Variants in CPEB3 observed in about 807,000 individuals in gnomAD.
The protein encoded by CPEB3 is cytoplasmic polyadenylation element binding protein 3.
In CPEB3, 20 loss-of-function variants were observed where a neutral mutation model predicts 67.2. The observed-to-expected ratio is 0.30, with a 90% CI of 0.21 to 0.43. The LOEUF (loss-of-function observed/expected upper bound fraction) is 0.43, where lower values mean the gene tolerates loss of function less well. CPEB3 is among the 20% of genes least tolerant of loss of function. The pLI is 1.00. For missense variants in CPEB3, 746 were observed against 968.6 expected, an observed-to-expected ratio of 0.77 and a Z score of 3.05; for synonymous variants, 376 against 393.1, an observed-to-expected ratio of 0.96 and a Z score of 0.51.
At chr10:92,093,059 C>T (rs1422586903) in intron 7 of CPEB3, among the ~76,000 whole-genome samples, 2 of 152,042 alleles carry the variant, frequency 1.3e-5, no homozygotes, top group African/African-American at 4.8e-5. Flanking sequence ...TATACAAAAC[C>T]TTAAAACATA....
At chr10:92,164,140 G>A (rs886784640) in intron 4 of CPEB3, among the ~76,000 whole-genome samples, 1 of 152,130 alleles carries the variant, frequency 6.6e-6, no homozygotes, top group African/African-American at 2.4e-5. Context: ...CATATGCTAA[G>A]TACTTGTACG....
chr10:92,099,216 T>C (rs1286050706), intron 7 of CPEB3, among the ~76,000 whole-genome samples: 1 of 111,394 alleles, frequency 9.0e-6, no homozygotes, highest in East Asian at 2.3e-4. Context: ...AATATGGGTC[T>C]TTTCGTCTTT....
In CPEB3 at chr10:92,240,066, C is replaced by G. The variant is rs768166112; in HGVS notation, c.285G>C (p.Glu95Asp). 1.3e-6 allele frequency: 2 copies of G among 1,590,756 alleles called. No homozygotes were observed. Among genetic ancestry groups the G allele is most frequent in the African/African-American group, 2.7e-5 (2 of 74,244 alleles). The change falls in exon 2 of 10, where the codon GAG becomes GAC. Residue 95 changes from glutamate (E) to aspartate (D), a missense_variant. Coordinates refer to ENST00000265997, the MANE Select transcript of CPEB3 (RefSeq NM_014912.5). ...QPPQQPPPPQ[E>D]PAAPGASLSP... is the part of the protein sequence containing the mutation. ...ACAGCGACGCGCCCGGTGCCGCGGGCTCCTGAGGCGGCGGCGGCTGCTGAG... is the reference window on the plus strand; with the variant it reads ...ACAGCGACGCGCCCGGTGCCGCGGGGTCCTGAGGCGGCGGCGGCTGCTGAG...
chr10:92,085,600 T>C (rs1843336813), intron 8 of CPEB3, among the ~76,000 whole-genome samples: 1 of 151,948 alleles, frequency 6.6e-6, no homozygotes, highest in Non-Finnish European at 1.5e-5. Flanking sequence ...CTCCTGATTC[T>C]TTTTTCTTTT....
chr10:92,286,563 C>T (rs967965867), intron 1 of CPEB3, among the ~76,000 whole-genome samples: 2 of 143,232 alleles, frequency 1.4e-5, no homozygotes, highest in Admixed American at 7.2e-5. Context: ...CCAGCCTGGG[C>T]AGCAGAGCAA....
At chr10:92,119,684 C>G (rs932403194) in intron 6 of CPEB3, among the ~76,000 whole-genome samples, 4 of 152,084 alleles carry the variant, frequency 2.6e-5, no homozygotes, top group African/African-American at 9.7e-5. Context: ...TCTATCCCAG[C>G]TAGAGGGAGA....
At chr10:92,080,044 CA>C (rs1018501027) in intron 9 of CPEB3, among the ~76,000 whole-genome samples, 253 of 136,880 alleles carry the variant, frequency 1.8e-3, no homozygotes, top group Middle Eastern at 3.7e-3. Context: ...ACTAAAAATA[CA>C]AAAAAAAAAA....
intron 1 of CPEB3, among the ~76,000 whole-genome samples, chr10:92,281,537 A>C (rs1354996153): frequency 6.6e-6 from 1 of 152,100 alleles, no homozygotes; most frequent in Non-Finnish European, 1.5e-5. Flanking sequence ...AATATTTTGA[A>C]TTTTGATTGT....
At chr10:92,273,935 T>C (rs748352233) in intron 1 of CPEB3, among the ~76,000 whole-genome samples, 2 of 152,184 alleles carry the variant, frequency 1.3e-5, no homozygotes, top group Non-Finnish European at 2.9e-5. Context: ...CAGCAACTTC[T>C]TTTCCCTTCC....
chr10:92,226,709 A>G (rs1046023090), intron 2 of CPEB3, among the ~76,000 whole-genome samples: 3 of 152,192 alleles, frequency 2.0e-5, no homozygotes, highest in African/African-American at 4.8e-5. Flanking sequence ...CATAAGAGGA[A>G]TTAGGGAAGA....
chr10:92,216,484 T>C (rs879226677), intron 2 of CPEB3: 84 of 1,612,846 alleles, frequency 5.2e-5, no homozygotes, highest in Non-Finnish European at 6.9e-5. Context: ...ACAAATGCAT[T>C]AAGAAAGCGG....
chr10:92,285,579 A>T (rs906342182), intron 1 of CPEB3, among the ~76,000 whole-genome samples: 1 of 152,054 alleles, frequency 6.6e-6, no homozygotes, highest in African/African-American at 2.4e-5. Context: ...CCAGAATTTA[A>T]GTTTCTAACA....
chr10:92,205,984 T>C (rs1849768795), intron 2 of CPEB3, among the ~76,000 whole-genome samples: 1 of 152,142 alleles, frequency 6.6e-6, no homozygotes, highest in Non-Finnish European at 1.5e-5. Context: ...ATTTAGAAGG[T>C]TAAAAAATTT....
At chr10:92,060,691 GA>G (rs1214227086) in intron 9 of CPEB3, among the ~76,000 whole-genome samples, 4 of 152,110 alleles carry the variant, frequency 2.6e-5, no homozygotes, top group Non-Finnish European at 4.4e-5. Context: ...AAACCAATCA[GA>G]TATGGGCAAA....
At chr10:92,217,630 C>T (rs1200039236) in intron 2 of CPEB3, among the ~76,000 whole-genome samples, 1 of 151,880 alleles carries the variant, frequency 6.6e-6, no homozygotes, top group Non-Finnish European at 1.5e-5. Context: ...GGCGTGGTGG[C>T]ACATGCCTGT....
chr10:92,153,730 A>C (rs1279002611), intron 4 of CPEB3, among the ~76,000 whole-genome samples: 2 of 152,168 alleles, frequency 1.3e-5, no homozygotes, highest in African/African-American at 4.8e-5. Flanking sequence ...GCAGTGAGCC[A>C]AGATTGCACC....
At chr10:92,179,597 T>C (rs1036384788) in intron 4 of CPEB3, among the ~76,000 whole-genome samples, 5 of 152,232 alleles carry the variant, frequency 3.3e-5, no homozygotes, top group African/African-American at 1.2e-4. Context: ...GGCAGCATAA[T>C]CTAAATTTAA....
rs762404398 is a variant in CPEB3, at chr10:92,052,307, C to A, written c.2002G>T (p.Ala668Ser). 2 of 1,614,198 alleles carry A rather than the reference C, an allele frequency of 1.2e-6. No individual in the cohort carries two copies. Among genetic ancestry groups the A allele is most frequent in the Non-Finnish European group, 8.5e-7 (1 of 1,180,034 alleles). The change falls in exon 10 of 10, where the codon GCG becomes TCG. Residue 668 changes from alanine to serine, a missense_variant. Ala to Ser is a moderately conservative substitution (Grantham distance 99, BLOSUM62 1). Coordinates refer to ENST00000265997, the MANE Select transcript of CPEB3 (RefSeq NM_014912.5). Reference sequence around the variant, plus strand: ...CGCCCGGCTCGGGAATGTATGCTCGCCCAGCAGTATTCACAGTAATACTGC... The same window carrying A: ...CGCCCGGCTCGGGAATGTATGCTCGACCAGCAGTATTCACAGTAATACTGC... ...CLQYYCEYCW[A>S]SIHSRAGREF...
chr10:92,209,810 G>A (rs925355480), intron 2 of CPEB3, among the ~76,000 whole-genome samples: 5 of 151,698 alleles, frequency 3.3e-5, no homozygotes, highest in African/African-American at 4.8e-5. Flanking sequence ...GGTAGCAGGC[G>A]CCTGTAATCC....
Sources: gnomAD v4.1 joint callset for allele counts (sites outside exome capture counted in the v4.1 genomes callset) on GRCh38, gnomAD v4.1.1 for gene constraint, MANE v1.5 for transcripts, NCBI Gene and HGNC (gene_info 2026-07-23, HGNC 2026-07-21) for gene names.